Variants in MOV10 observed in about 807,000 individuals in gnomAD.
MOV10 encodes RNA helicase MOV-10.
Under a neutral mutation model 108.4 loss-of-function variants are expected in MOV10, and 39 were observed. The ratio of observed to expected loss-of-function variants is 0.36; its 90% confidence interval spans 0.28 to 0.47. The LOEUF (loss-of-function observed/expected upper bound fraction) is 0.47. Among genes scored for constraint, MOV10 ranks in the 20% least tolerant of loss-of-function variants. The pLI is 1.00. For synonymous variants in MOV10, 490 were observed against 523.1 expected, an observed-to-expected ratio of 0.94 and a Z score of 0.86; for missense variants, 952 against 1,297.6, an observed-to-expected ratio of 0.73 and a Z score of 4.09.
Position 112,680,383 on chromosome 1 carries a change from G to A in MOV10, c.137+5334G>A, listed in dbSNP as rs1005034345. Among the ~76,000 whole-genome samples, 23 of 152,006 alleles carry A rather than the reference G, an allele frequency of 1.5e-4. 1 individual carries two copies. The highest frequency in any genetic ancestry group is 5.1e-4 in the African/African-American group (21 of 41,356). On this transcript the variant is annotated intron_variant, in intron 2 of 20. Coordinates refer to ENST00000369645, the MANE Select transcript of MOV10 (RefSeq NM_001321324.2). ...TTTTAAAAATACTTTTGGGCCGGGCGCGGTGGCTCACGCCTGTAATCCCAG... is the reference window on the plus strand; with the variant it reads ...TTTTAAAAATACTTTTGGGCCGGGCACGGTGGCTCACGCCTGTAATCCCAG...
intron 17 of MOV10, 27 bp downstream of exon 17, chr1:112,698,816 C>G (rs1417939560): frequency 1.3e-6 from 2 of 1,599,960 alleles, no homozygotes; most frequent in Admixed American, 1.7e-5. Context: ...CAGTCACTCC[C>G]TGCCTTCCGT....
chr1:112,697,624 T>C (rs1674226782), intron 14 of MOV10, among the ~76,000 whole-genome samples: 1 of 152,254 alleles, frequency 6.6e-6, no homozygotes. Flanking sequence ...ATGTTAGTTA[T>C]TGTGTCATCA....
rs772727987 is a variant in MOV10 at position 112,698,829 on chromosome 1, GC to G, written c.2583+45del. 1.9e-5 allele frequency: 29 copies of G among 1,532,734 alleles called. No individual in the cohort carries two copies. The South Asian group carries it at 3.1e-4, about 17-fold the overall frequency. The allele number at this position is 1,532,734 out of a possible 1,614,324, so 94.9% of individuals were successfully genotyped here. On this transcript the variant is annotated intron_variant, in intron 17 of 20. Transcript: ENST00000369645. Reference sequence around the variant, plus strand: ...CACAGTCACTCCCTGCCTTCCGTGTGCCCCCACTTGCCCACTTCCAGAGACT... The same window carrying G: ...CACAGTCACTCCCTGCCTTCCGTGTGCCCCACTTGCCCACTTCCAGAGACT...
At chr1:112,690,174 A>G (rs1371305896) in intron 5 of MOV10, 76 bp downstream of exon 5, 3 of 1,530,390 alleles carry the variant, frequency 2.0e-6, no homozygotes, top group East Asian at 2.3e-5. Flanking sequence ...GGAAGAGCAC[A>G]GAGCTGGGAG....
At chr1:112,695,949 C>T (rs927857668) in intron 11 of MOV10, among the ~76,000 whole-genome samples, 199 bp from the exon 12 acceptor site, 3 of 151,996 alleles carry the variant, frequency 2.0e-5, no homozygotes, top group African/African-American at 7.3e-5. Context: ...GGCTGAGGCA[C>T]GAGAATTGCT....
chr1:112,698,551 G>A (rs1674329089), intron 16 of MOV10, 73 bp downstream of exon 16: 1 of 1,528,898 alleles, frequency 6.5e-7, no homozygotes, highest in African/African-American at 1.4e-5. Flanking sequence ...CAGACCACTA[G>A]GCAGAGGCTC....
Position 112,699,945 on chromosome 1 carries a change from A to C in MOV10, c.2761A>C (p.Asn921His). 1 of 1,613,962 alleles carries C rather than the reference A, an allele frequency of 6.2e-7. No individual in the cohort carries two copies. The highest frequency in any genetic ancestry group is 8.5e-7 in the Non-Finnish European group (1 of 1,180,002). Residue 921 changes from asparagine to histidine, a missense_variant, in exon 19 of 21, where the codon AAC becomes CAC. By Grantham distance (68) the Asn-to-His change is moderately conservative. Coordinates refer to ENST00000369645, the MANE Select transcript of MOV10 (RefSeq NM_001321324.2). Reference protein sequence around the residue: ...RAKALLIIVGNPLLLGHDPDW... With the variant: ...RAKALLIIVGHPLLLGHDPDW... ...CAAGGCCCTGCTCATCATCGTGGGG[A>C]ACCCCCTTCTCCTGGGCCATGACCC... is the stretch of plus-strand genomic sequence containing the variant.
In MOV10 at chr1:112,694,686, G is replaced by A; in HGVS notation, c.1472+57G>A. On this transcript the variant is annotated intron_variant, in intron 9 of 20. Transcript: ENST00000369645. This position sits in a 1 kb window ranked among gnomAD's most constrained non-coding sequence, Gnocchi z 4.1. Reference sequence around the variant, plus strand: ...ACTTGGAGTGTGGGCACAGGGGGTGGAGTCAGGGAGGCCTCTGGGTCACTG... The same window carrying A: ...ACTTGGAGTGTGGGCACAGGGGGTGAAGTCAGGGAGGCCTCTGGGTCACTG... 1.3e-6 allele frequency: 2 copies of A among 1,595,274 alleles called. No homozygotes were observed. The highest frequency in any genetic ancestry group is 3.4e-5 in the Admixed American group (2 of 59,156).
At chr1:112,682,357 G>A (rs1305095259) in intron 2 of MOV10, among the ~76,000 whole-genome samples, 1 of 152,146 alleles carries the variant, frequency 6.6e-6, no homozygotes, top group Non-Finnish European at 1.5e-5. Context: ...CTGAGTAGCT[G>A]GGACCATAGG....
rs1235771946 is a variant in MOV10, at chr1:112,700,522, G to A, written c.*15G>A. 3.7e-6 allele frequency: 6 copies of A among 1,611,386 alleles called. No homozygotes were observed. The highest frequency in any genetic ancestry group is 3.3e-4 in the Middle Eastern group (2 of 6,038). ...ATGAGCTCTGAAGACACAGCACCCA[G>A]CCTTCTCGCACCAGCCAAGCCTTAA... On this transcript the variant is annotated 3_prime_UTR_variant, in exon 21 of 21. Transcript: ENST00000369645.
intron 2 of MOV10, among the ~76,000 whole-genome samples, chr1:112,681,378 C>T (rs1443584239): frequency 2.6e-5 from 4 of 152,032 alleles, no homozygotes; most frequent in South Asian, 2.1e-4. Context: ...CCTGTAATCC[C>T]AGCTACTCGG....
chr1:112,700,128 T>A, intron 19 of MOV10, 91 bp from the exon 20 acceptor site: 1 of 1,597,744 alleles, frequency 6.3e-7, no homozygotes, highest in Non-Finnish European at 8.6e-7. Flanking sequence ...ATAAGTTAAA[T>A]GACATCCAGA....
intron 2 of MOV10, among the ~76,000 whole-genome samples, chr1:112,682,979 G>A (rs948802993): frequency 8.6e-5 from 13 of 150,602 alleles, no homozygotes; most frequent in Non-Finnish European, 1.5e-4. Flanking sequence ...GAGTGCAATG[G>A]CATGATCTTG....
chr1:112,697,395 G>A (rs1418533515), intron 14 of MOV10, among the ~76,000 whole-genome samples: 4 of 152,138 alleles, frequency 2.6e-5, no homozygotes, highest in East Asian at 1.9e-4. Flanking sequence ...GCTTGTACCC[G>A]GGAGGCAGAG....
Position 112,692,830 on chromosome 1 carries a change from G to A in MOV10, c.1041G>A (p.Glu347=), listed in dbSNP as rs578026200. The change falls in exon 7 of 21, where the codon GAG becomes GAA. Residue 347 remains glutamate (E), a synonymous_variant. Coordinates refer to ENST00000369645, the MANE Select transcript of MOV10 (RefSeq NM_001321324.2). ...EVKLRLLLHL[E]ELQMEHDIRH... ...AGCTGCGGCTGCTGCTGCACCTGGA[G>A]GAACTGCAGATGGAGCATGATATCC... The A allele has an allele frequency of 1.6e-5, 26 of 1,614,100 alleles. No homozygotes were observed. In the East Asian group the frequency reaches 4.0e-4, roughly 25 times the overall value.
In MOV10 at chr1:112,696,165, C is replaced by T. The variant is rs35535483; in HGVS notation, c.1797C>T (p.Asp599=). 607 of 1,613,154 alleles carry T rather than the reference C, an allele frequency of 3.8e-4. 4 individuals carry two copies. The African/African-American group carries it at 6.1e-3, about 16-fold the overall frequency. ...PEDIKPCCNW[D]AKKGEYVFPA... is the part of the protein sequence containing the mutation. ...ATCCACAGCCCTGCTGCAACTGGGA[C>T]GCAAAGAAGGGGGAGTATGTATTTC... is the stretch of plus-strand genomic sequence containing the variant. Residue 599 remains aspartate, a synonymous_variant, in exon 12 of 21, where the codon GAC becomes GAT. Transcript: ENST00000369645.
intron 3 of MOV10, 50 bp from the exon 4 acceptor site, chr1:112,689,365 C>A (rs750089476): frequency 6.6e-7 from 1 of 1,519,402 alleles, no homozygotes; most frequent in South Asian, 1.1e-5. Context: ...GGTAACTCCC[C>A]AGTCAGACCG....
At chr1:112,691,297 A>G (rs1382656007) in intron 5 of MOV10, among the ~76,000 whole-genome samples, 2 of 152,158 alleles carry the variant, frequency 1.3e-5, no homozygotes, top group Non-Finnish European at 2.9e-5. Context: ...AAAAAAAGCA[A>G]ACTACATAAT....
At position 112,675,122 on chromosome 1, in the gene MOV10, C is replaced by T; in HGVS notation, c.137+73C>T. 1 of 1,544,262 alleles carries T rather than the reference C, an allele frequency of 6.5e-7. No individual in the cohort carries two copies. Among genetic ancestry groups the T allele is most frequent in the Non-Finnish European group, 8.7e-7 (1 of 1,145,722 alleles). On this transcript the variant is annotated intron_variant, in intron 2 of 20. Coordinates refer to ENST00000369645, the MANE Select transcript of MOV10 (RefSeq NM_001321324.2). This position sits in a 1 kb window ranked among gnomAD's most constrained non-coding sequence, Gnocchi z 4.7. Reference sequence around the variant, plus strand: ...GCCACGACCCCCGCGCGAGGGCCACCTTTCCCGCCCCGGGGCGCAGAGGGA... The same window carrying T: ...GCCACGACCCCCGCGCGAGGGCCACTTTTCCCGCCCCGGGGCGCAGAGGGA...
Sources: allele counts gnomAD v4.1 joint callset (sites outside exome capture counted in the v4.1 genomes callset), GRCh38; gene constraint gnomAD v4.1.1; non-coding constraint Gnocchi (gnomAD v3.1); transcripts MANE v1.5; gene names NCBI Gene and HGNC (gene_info 2026-07-23, HGNC 2026-07-21).